The following CDC73 variants were observed in gnomAD, a reference collection of about 807,000 sequenced individuals.
CDC73 encodes parafibromin.
CDC73 carries 21 observed loss-of-function variants against 83.7 expected under a neutral mutation model. That is an observed-to-expected ratio of 0.25 (90% CI 0.18 to 0.36). The LOEUF is 0.36. CDC73 is among the 10% of genes least tolerant of loss of function. CDC73 has a pLI of 1.00. For missense variants in CDC73, 342 were observed against 653.3 expected, an observed-to-expected ratio of 0.52 and a Z score of 5.19; for synonymous variants, 224 against 212.9, an observed-to-expected ratio of 1.05 and a Z score of -0.45.
chr1:193,154,179 T>C (rs2103134981), intron 10 of CDC73, among the ~76,000 whole-genome samples: 1 of 152,344 alleles, frequency 6.6e-6, no homozygotes, highest in Middle Eastern at 3.4e-3. Flanking sequence ...GATCATTCCC[T>C]GAGTGAATTA....
Position 193,122,123 on chromosome 1 carries a change from C to A in CDC73, c.-78C>A, listed in dbSNP as rs2103111319. The A allele has an allele frequency of 1.4e-6, 2 of 1,422,890 alleles. No individual in the cohort carries two copies. The highest frequency in any genetic ancestry group is 2.0e-6 in the Non-Finnish European group (2 of 1,009,876). 88.1% of individuals were successfully genotyped at this position (1,422,890 alleles called of 1,614,324 possible). A position where few individuals can be genotyped will look rare whatever the true frequency, so the allele number is the denominator to read the frequency against. ...CGGCGAAGGAGGAGGAGGAAGAGGG[C>A]GAGGCGACAAGAGAAGAAGGAGGCA... On this transcript the variant is annotated 5_prime_UTR_variant, in exon 1 of 17. Coordinates refer to ENST00000367435, the MANE Select transcript of CDC73 (RefSeq NM_024529.5).
At chr1:193,226,519 G>A (rs536849640) in intron 13 of CDC73, among the ~76,000 whole-genome samples, 2 of 152,224 alleles carry the variant, frequency 1.3e-5, no homozygotes, top group African/African-American at 4.8e-5. Flanking sequence ...CTGAGAGTTT[G>A]AATCATAAAG....
chr1:193,173,467 A>G (rs907245322), intron 10 of CDC73, among the ~76,000 whole-genome samples: 2 of 152,192 alleles, frequency 1.3e-5, no homozygotes, highest in South Asian at 2.1e-4. Context: ...CATCTTTTAC[A>G]TAGCCACAGT....
intron 10 of CDC73, among the ~76,000 whole-genome samples, chr1:193,200,506 TTC>T (rs1435845951): frequency 2.0e-5 from 3 of 152,206 alleles, no homozygotes; most frequent in African/African-American, 4.8e-5. Flanking sequence ...TGTTTTTCCC[TTC>T]TGTGTTAATT....
chr1:193,137,489 C>T (rs1359322915), intron 5 of CDC73, among the ~76,000 whole-genome samples: 1 of 152,122 alleles, frequency 6.6e-6, no homozygotes, highest in Non-Finnish European at 1.5e-5. Flanking sequence ...GCTTTTCAGA[C>T]TAAATTTTAC....
intron 10 of CDC73, among the ~76,000 whole-genome samples, chr1:193,178,004 T>C (rs1468786549): frequency 6.6e-6 from 1 of 152,212 alleles, no homozygotes; most frequent in Admixed American, 6.5e-5. Context: ...AAAGCAAAGC[T>C]GTCATTTAAA....
chr1:193,161,562 C>G (rs1275768864), intron 10 of CDC73, among the ~76,000 whole-genome samples: 1 of 122,098 alleles, frequency 8.2e-6, no homozygotes, highest in Non-Finnish European at 1.6e-5. Context: ...TATACACACG[C>G]ATATATATAT....
intron 13 of CDC73, among the ~76,000 whole-genome samples, chr1:193,225,941 G>C (rs1166370926): frequency 6.6e-6 from 1 of 152,080 alleles, no homozygotes; most frequent in Non-Finnish European, 1.5e-5. Context: ...TGTTTTTACT[G>C]CATCTGCTTT....
At chr1:193,130,085 G>T (rs748226952) in intron 2 of CDC73, 89 bp from the exon 3 acceptor site, 1 of 723,672 alleles carries the variant, frequency 1.4e-6, no homozygotes, top group Non-Finnish European at 2.5e-6. Context: ...AGATATGTTG[G>T]AATAAAATTC....
At chr1:193,221,470 C>T (rs960681437) in intron 13 of CDC73, among the ~76,000 whole-genome samples, 7 of 151,824 alleles carry the variant, frequency 4.6e-5, no homozygotes, top group Non-Finnish European at 8.8e-5. Flanking sequence ...TCCAATCTCA[C>T]AAATTTTAGT....
rs1347512973 is a variant in CDC73 at position 193,254,221 on chromosome 1, C to T, written c.*3509C>T. ...CTTAATAAAGAAATTATTGGTTTGT[C>T]TGGTTAAAGTCCATATAGAATGCTG... On this transcript the variant is annotated 3_prime_UTR_variant, in exon 17 of 17. Transcript: ENST00000367435. 6.6e-6 allele frequency among the ~76,000 whole-genome samples: 1 copy of T among 151,724 alleles called. No individual in the cohort carries two copies. The highest frequency in any genetic ancestry group is 1.5e-5 in the Non-Finnish European group (1 of 67,868).
At chr1:193,217,961 C>T (rs1344539333) in intron 13 of CDC73, among the ~76,000 whole-genome samples, 1 of 152,176 alleles carries the variant, frequency 6.6e-6, no homozygotes, top group Non-Finnish European at 1.5e-5. Flanking sequence ...AATAGAGATG[C>T]CTTCTATCTT....
intron 13 of CDC73, among the ~76,000 whole-genome samples, chr1:193,220,566 G>A (rs894996089): frequency 6.6e-6 from 1 of 152,122 alleles, no homozygotes; most frequent in South Asian, 2.1e-4. Flanking sequence ...ACTAAATGTA[G>A]AATTGAATTT....
In CDC73 at chr1:193,132,963, G is replaced by A. The variant is rs1007545783; in HGVS notation, c.308-2428G>A. 4.1e-5 allele frequency among the ~76,000 whole-genome samples: 6 copies of A among 147,180 alleles called. No homozygotes were observed. The South Asian group carries it at 6.5e-4, about 16-fold the overall frequency. On this transcript the variant is annotated intron_variant, in intron 3 of 16. Transcript: ENST00000367435. ...TCGCCCCAGGCTGGAGTGCAGTGGC[G>A]CGATCTTGGCTCACTGCAAGCTCCG... is the stretch of plus-strand genomic sequence containing the variant.
intron 15 of CDC73, among the ~76,000 whole-genome samples, chr1:193,245,734 A>G (rs1677943597): frequency 6.6e-6 from 1 of 152,050 alleles, no homozygotes; most frequent in Non-Finnish European, 1.5e-5. Flanking sequence ...TGGCTCTACT[A>G]GTTTATATTC....
intron 13 of CDC73, among the ~76,000 whole-genome samples, chr1:193,218,085 A>T (rs1314995080): frequency 6.6e-6 from 1 of 152,198 alleles, no homozygotes; most frequent in Non-Finnish European, 1.5e-5. Flanking sequence ...TACAAAAATA[A>T]GTAGAATTTC....
At chr1:193,141,732 A>G (rs1675909653) in intron 6 of CDC73, 118 bp from the exon 7 acceptor site, 1 of 704,828 alleles carries the variant, frequency 1.4e-6, no homozygotes, top group Non-Finnish European at 2.5e-6. Context: ...CAGATAAGAA[A>G]ACCTTAATTA....
chr1:193,203,159 T>A (rs1677120842), intron 10 of CDC73, among the ~76,000 whole-genome samples: 1 of 152,160 alleles, frequency 6.6e-6, no homozygotes, highest in African/African-American at 2.4e-5. Flanking sequence ...TCCTTGAGTA[T>A]ATAATTGATA....
At position 193,251,525 on chromosome 1, in the gene CDC73, T is replaced by G. The variant is rs957848234; in HGVS notation, c.*813T>G. 4.3e-6 allele frequency: 1 copy of G among 232,046 alleles called. No individual in the cohort carries two copies. Among genetic ancestry groups the G allele is most frequent in the African/African-American group, 2.2e-5 (1 of 45,280 alleles). The allele number at this position is 232,046 out of a possible 1,614,324, so 14.4% of individuals were successfully genotyped here. A position where few individuals can be genotyped will look rare whatever the true frequency, so the allele number is the denominator to read the frequency against. On this transcript the variant is annotated 3_prime_UTR_variant, in exon 17 of 17. Transcript: ENST00000367435. ...AGTATAACTTTAAGCTCCTTTTCTCTTTAGTCCACTTTTGATTGTAATTTT... is the reference window on the plus strand; with the variant it reads ...AGTATAACTTTAAGCTCCTTTTCTCGTTAGTCCACTTTTGATTGTAATTTT...
Sources: gnomAD v4.1 joint callset for allele counts (sites outside exome capture counted in the v4.1 genomes callset) on GRCh38, gnomAD v4.1.1 for gene constraint, MANE v1.5 for transcripts, NCBI Gene and HGNC (gene_info 2026-07-23, HGNC 2026-07-21) for gene names.